The following RAB3GAP2 variants were observed in gnomAD, a reference collection of about 807,000 sequenced individuals.
RAB3GAP2 encodes the protein rab3 GTPase-activating protein non-catalytic subunit.
RAB3GAP2 carries 87 observed loss-of-function variants against 185.3 expected under a neutral mutation model. The observed-to-expected ratio is 0.47, with a 90% CI of 0.39 to 0.56. RAB3GAP2 has a LOEUF of 0.56. Among genes scored for constraint, RAB3GAP2 ranks in the 20% least tolerant of loss-of-function variants. RAB3GAP2 has a pLI of 0.00. For synonymous variants in RAB3GAP2, 554 were observed against 576.1 expected, an observed-to-expected ratio of 0.96 and a Z score of 0.55; for missense variants, 1,492 against 1,638.2, an observed-to-expected ratio of 0.91 and a Z score of 1.54.
At position 220,203,968 on chromosome 1, in the gene RAB3GAP2, A is replaced by T. The variant is rs116057858; in HGVS notation, c.713-1594T>A. Among the ~76,000 whole-genome samples the T allele has an allele frequency of 5.4e-3, 821 of 152,308 alleles. 5 individuals are homozygous for T. Among genetic ancestry groups the T allele is most frequent in the African/African-American group, 0.019 (771 of 41,588 alleles). On this transcript the variant is annotated intron_variant, in intron 8 of 34. Transcript: ENST00000358951. ...TTACAGTTGTTAAAATATGGAAAAG[A>T]AAAGTCTTATAATCAGTGAAAATAT...
At chr1:220,237,838 G>T (rs1380802890) in intron 1 of RAB3GAP2, among the ~76,000 whole-genome samples, 1 of 150,490 alleles carries the variant, frequency 6.6e-6, no homozygotes, top group African/African-American at 2.4e-5. Flanking sequence ...AATATATCAT[G>T]AGCTACCTAT....
rs145515858 is a variant in RAB3GAP2, at chr1:220,209,787, G to A, written c.612+601C>T. Among the ~76,000 whole-genome samples the A allele has an allele frequency of 6.4e-3, 972 of 152,220 alleles. 8 individuals carry two copies. Among genetic ancestry groups the A allele is most frequent in the African/African-American group, 0.022 (911 of 41,536 alleles). ...TTACATAGTTTTGACTATGCACTCC[G>A]CAAAACAAATAAAAGCATATTGGTT... On this transcript the variant is annotated intron_variant, in intron 7 of 34. Transcript: ENST00000358951.
chr1:220,196,522 G>A lies in RAB3GAP2; in HGVS notation c.812-124C>T. 5 of 1,017,072 alleles carry A rather than the reference G, an allele frequency of 4.9e-6. No individual in the cohort carries two copies. The South Asian group carries it at 7.5e-5, about 15-fold the overall frequency. 63.0% of individuals were successfully genotyped at this position (1,017,072 alleles called of 1,614,324 possible). A position where few individuals can be genotyped will look rare whatever the true frequency, so the allele number is the denominator to read the frequency against. On this transcript the variant is annotated intron_variant, in intron 9 of 34. Coordinates refer to ENST00000358951, the MANE Select transcript of RAB3GAP2 (RefSeq NM_012414.4). The stretch of plus-strand genomic sequence containing the variant: ...TTAATAACCAAAAGTCATTTTAAAA[G>A]CTACAAAGTCAACATCAGAAAATAT...
At chr1:220,164,914 T>C (rs1049016658) in intron 26 of RAB3GAP2, 115 bp from the exon 27 acceptor site, 1 of 977,158 alleles carries the variant, frequency 1.0e-6, no homozygotes, top group Admixed American at 2.3e-5. Flanking sequence ...CTAAGAATGT[T>C]GCAATAATAA....
At chr1:220,218,712 C>T (rs943010522) in intron 2 of RAB3GAP2, among the ~76,000 whole-genome samples, 1 of 151,154 alleles carries the variant, frequency 6.6e-6, no homozygotes, top group Non-Finnish European at 1.5e-5. Context: ...ACGTTGTGCA[C>T]ATGTACCCTA....
At chr1:220,200,244 AAGTCTC>A (rs1658823701) in intron 9 of RAB3GAP2, among the ~76,000 whole-genome samples, 1 of 152,088 alleles carries the variant, frequency 6.6e-6, no homozygotes, top group Non-Finnish European at 1.5e-5. Context: ...CTCATCCTTC[AAGTCTC>A]AGTCTGAATG....
intron 27 of RAB3GAP2, among the ~76,000 whole-genome samples, chr1:220,162,959 C>A (rs1182937546): frequency 2.6e-5 from 4 of 152,070 alleles, no homozygotes. Flanking sequence ...GGCTGGGCAA[C>A]ATGGCCAGAA....
Position 220,149,711 on chromosome 1 carries a change from A to G in RAB3GAP2, c.*1540T>C, listed in dbSNP as rs898086185. ...TAAAATGTATGTCTCAATCAGACTCACAGGCCCCCATCCCAAATACTCAAG... is the reference window on the plus strand; with the variant it reads ...TAAAATGTATGTCTCAATCAGACTCGCAGGCCCCCATCCCAAATACTCAAG... On this transcript the variant is annotated 3_prime_UTR_variant, in exon 35 of 35. Coordinates refer to ENST00000358951, the MANE Select transcript of RAB3GAP2 (RefSeq NM_012414.4). The G allele has an allele frequency of 3.9e-5, 6 of 152,340 alleles. No homozygotes were observed. Among genetic ancestry groups the G allele is most frequent in the African/African-American group, 1.4e-4 (6 of 41,578 alleles). 9.4% of individuals were successfully genotyped at this position (152,340 alleles called of 1,614,324 possible).
At chr1:220,249,578 C>A (rs1419469262) in intron 1 of RAB3GAP2, among the ~76,000 whole-genome samples, 1 of 152,114 alleles carries the variant, frequency 6.6e-6, no homozygotes, top group Middle Eastern at 3.2e-3. Context: ...CAGAAATTTG[C>A]ATAAGTAATG....
intron 10 of RAB3GAP2, among the ~76,000 whole-genome samples, chr1:220,195,938 A>G (rs141132834): frequency 6.6e-6 from 1 of 152,140 alleles, no homozygotes; most frequent in Admixed American, 6.5e-5. Context: ...CATTTACTCA[A>G]ATCCCTAGTG....
chr1:220,264,377 A>T (rs1660193617), intron 1 of RAB3GAP2, among the ~76,000 whole-genome samples: 1 of 152,092 alleles, frequency 6.6e-6, no homozygotes, highest in African/African-American at 2.4e-5. Context: ...GGAATTTACA[A>T]CACTTTGATT....
intron 24 of RAB3GAP2, among the ~76,000 whole-genome samples, chr1:220,170,184 C>T (rs149319003): frequency 5.3e-5 from 8 of 152,220 alleles, no homozygotes; most frequent in African/African-American, 9.6e-5. Flanking sequence ...AACCAAACAC[C>T]GCATGTTCTC....
intron 7 of RAB3GAP2, among the ~76,000 whole-genome samples, chr1:220,208,472 CTG>C (rs1659011581): frequency 6.6e-6 from 1 of 152,186 alleles, no homozygotes; most frequent in South Asian, 2.1e-4. Context: ...AATCTAGTCT[CTG>C]TGCCTATACA....
chr1:220,154,721 CTTT>C (rs368964533), intron 31 of RAB3GAP2, among the ~76,000 whole-genome samples: 6 of 133,326 alleles, frequency 4.5e-5, no homozygotes, highest in East Asian at 2.2e-4. Flanking sequence ...ACCCTGAATC[CTTT>C]TTTTTTTTTT....
chr1:220,148,726 ATAAAAG>A lies in RAB3GAP2; in HGVS notation c.*2519_*2524del, dbSNP rs779933653. 32 of 151,682 alleles carry A rather than the reference ATAAAAG, an allele frequency of 2.1e-4. No homozygotes were observed. The highest frequency in any genetic ancestry group is 8.3e-4 in the South Asian group (4 of 4,832). The allele number at this position is 151,682 out of a possible 1,614,324, so 9.4% of individuals were successfully genotyped here. ...CTTTGACCATAGATGAAGTTTTATA[ATAAAAG>A]TAAAACTTTTTTTTTCTGTTTGCAA... On this transcript the variant is annotated 3_prime_UTR_variant, in exon 35 of 35. Transcript: ENST00000358951.
intron 22 of RAB3GAP2, among the ~76,000 whole-genome samples, 161 bp downstream of exon 22, chr1:220,172,476 A>G (rs952052114): frequency 6.6e-6 from 1 of 152,198 alleles, no homozygotes; most frequent in African/African-American, 2.4e-5. Context: ...GCATAAGTCA[A>G]ATGCATTAAG....
chr1:220,203,100 G>A (rs1486532716), intron 8 of RAB3GAP2, among the ~76,000 whole-genome samples: 2 of 152,196 alleles, frequency 1.3e-5, no homozygotes, highest in Non-Finnish European at 1.5e-5. Flanking sequence ...ATACTTGGCA[G>A]AGCACACACA....
chr1:220,202,483 T>C (rs936792926), intron 8 of RAB3GAP2, 109 bp from the exon 9 acceptor site: 1 of 1,122,430 alleles, frequency 8.9e-7, no homozygotes, highest in African/African-American at 1.5e-5. Flanking sequence ...CAGCTAATAA[T>C]GACACAAAGT....
In RAB3GAP2 at chr1:220,202,363, C is replaced by T; in HGVS notation, c.724G>A (p.Gly242Ser). ...GGTGGTGGTTGTATGTTCTCATTGC[C>T]TGATGCTGCAGCTACCAAAGATAAA... ...RNQVAKAAAS[G>S]NENIQPPPLA... Residue 242 changes from glycine (G) to serine (S), a missense_variant, in exon 9 of 35, where the codon GGC becomes AGC. Physicochemically the swap from Gly to Ser is moderately conservative, Grantham distance 56. Around this residue, in one of 5 missense-constraint regions of RAB3GAP2, gnomAD observed 243 missense variants for 314.8 expected, o/e 0.77. Transcript: ENST00000358951. The T allele has an allele frequency of 1.2e-6, 2 of 1,613,528 alleles. No homozygotes were observed. The highest frequency in any genetic ancestry group is 2.2e-5 in the South Asian group (2 of 91,066).
Sources: gnomAD v4.1 joint callset for allele counts (sites outside exome capture counted in the v4.1 genomes callset) on GRCh38, gnomAD v4.1.1 for gene constraint, gnomAD v4.1.1 regional missense constraint, MANE v1.5 for transcripts, NCBI Gene and HGNC (gene_info 2026-07-23, HGNC 2026-07-21) for gene names.